The following OPCML variants were observed in gnomAD, a reference collection of about 807,000 sequenced individuals.
The protein encoded by OPCML is opioid binding protein/cell adhesion molecule like, also known as opioid-binding protein/cell adhesion molecule.
OPCML carries 13 observed loss-of-function variants against 37.8 expected under a neutral mutation model. That is an observed-to-expected ratio of 0.34 (90% CI 0.22 to 0.55). The LOEUF (loss-of-function observed/expected upper bound fraction) is 0.55, where lower values mean the gene tolerates loss of function less well. Ranked by LOEUF, OPCML falls within the 20% of genes least tolerant of loss-of-function variation. OPCML has a pLI of 0.91. For synonymous variants in OPCML, 176 were observed against 168.8 expected, an observed-to-expected ratio of 1.04 and a Z score of -0.33; for missense variants, 341 against 435.6, an observed-to-expected ratio of 0.78 and a Z score of 1.93.
chr11:133,388,765 A>T (rs879482071), intron 1 of OPCML, among the ~76,000 whole-genome samples: 4 of 152,188 alleles, frequency 2.6e-5, no homozygotes, highest in Non-Finnish European at 5.9e-5. Flanking sequence ...TTGAGTTATC[A>T]TATAAGGATA....
At chr11:132,447,185 G>T (rs1014176483) in intron 4 of OPCML, among the ~76,000 whole-genome samples, 4 of 152,190 alleles carry the variant, frequency 2.6e-5, no homozygotes, top group Admixed American at 1.3e-4. Flanking sequence ...TTTCCCTGAG[G>T]ATTAATTTAT....
chr11:133,419,483 C>T (rs763184997), intron 1 of OPCML: 4 of 246,866 alleles, frequency 1.6e-5, no homozygotes, highest in Non-Finnish European at 2.6e-5. Context: ...TAAGTTATAG[C>T]TTAAAAGGCA....
At chr11:133,279,471 A>G (rs1362130242) in intron 1 of OPCML, among the ~76,000 whole-genome samples, 5 of 152,134 alleles carry the variant, frequency 3.3e-5, no homozygotes, top group African/African-American at 1.2e-4. Flanking sequence ...CACTCCTGAT[A>G]AGCAGCCGTC....
chr11:133,248,194 TTGTAAAGA>T (rs1204905511), intron 1 of OPCML, among the ~76,000 whole-genome samples: 1 of 152,174 alleles, frequency 6.6e-6, no homozygotes, highest in African/African-American at 2.4e-5. Context: ...TGTGAAATTA[TTGTAAAGA>T]TGTAAAGATT....
intron 1 of OPCML, among the ~76,000 whole-genome samples, chr11:133,521,910 G>A (rs1193620103): frequency 6.6e-6 from 1 of 152,216 alleles, no homozygotes; most frequent in Non-Finnish European, 1.5e-5. Context: ...CCTCCCCACT[G>A]TCCTGTTTCG....
intron 2 of OPCML, among the ~76,000 whole-genome samples, chr11:132,916,045 G>A (rs1228391031): frequency 6.6e-6 from 1 of 151,986 alleles, no homozygotes; most frequent in Admixed American, 6.6e-5. Context: ...AAGTGTGCAT[G>A]TATGGGTAAA....
chr11:132,542,550 TTTGCTCCATA>T, intron 3 of OPCML, among the ~76,000 whole-genome samples: 1 of 152,208 alleles, frequency 6.6e-6, no homozygotes, highest in African/African-American at 2.4e-5. Flanking sequence ...GCCTCCTTGG[TTTGCTCCATA>T]TTGCAACCTG....
chr11:132,983,295 T>C (rs1042483477), intron 1 of OPCML, among the ~76,000 whole-genome samples: 1 of 152,250 alleles, frequency 6.6e-6, no homozygotes, highest in Non-Finnish European at 1.5e-5. Context: ...CCAAGTGCAA[T>C]GCTGGGTAAA....
At chr11:132,449,249 T>G (rs762471335) in intron 4 of OPCML, among the ~76,000 whole-genome samples, 1 of 152,214 alleles carries the variant, frequency 6.6e-6, no homozygotes, top group Non-Finnish European at 1.5e-5. Context: ...GGACTATGTG[T>G]GTCTGAACGT....
intron 1 of OPCML, among the ~76,000 whole-genome samples, chr11:133,407,621 C>T (rs1053969294): frequency 3.3e-5 from 5 of 152,130 alleles, no homozygotes; most frequent in African/African-American, 7.2e-5. Context: ...CAAACCCACA[C>T]GTGGGTGGCA....
At chr11:133,157,782 C>G (rs1483493319) in intron 1 of OPCML, among the ~76,000 whole-genome samples, 1 of 152,202 alleles carries the variant, frequency 6.6e-6, no homozygotes. Context: ...TTTGGTGTGT[C>G]CACCTAGCCT....
rs1053675036 is a variant in OPCML, at chr11:132,643,811, C to T, written c.379+13276G>A. Among the ~76,000 whole-genome samples the T allele has an allele frequency of 8.5e-5, 13 of 152,138 alleles. 1 individual carries two copies. Among genetic ancestry groups the T allele is most frequent in the South Asian group, 6.2e-4 (3 of 4,832 alleles). ...CATTCAACAAGCTCAGTTTGGTCTGCGTTAGAGAGCCATGTGCCTAGAAGT... is the reference window on the plus strand; with the variant it reads ...CATTCAACAAGCTCAGTTTGGTCTGTGTTAGAGAGCCATGTGCCTAGAAGT... On this transcript the variant is annotated intron_variant, in intron 3 of 7. Coordinates refer to ENST00000524381, the MANE Select transcript of OPCML (RefSeq NM_001012393.5).
intron 1 of OPCML, among the ~76,000 whole-genome samples, chr11:133,121,896 C>T (rs753782080): frequency 1.3e-4 from 20 of 152,178 alleles, no homozygotes; most frequent in Admixed American, 3.3e-4. Flanking sequence ...CTAATGTTAA[C>T]ATTTCTGTCC....
chr11:132,579,186 G>A (rs1393352638), intron 3 of OPCML, among the ~76,000 whole-genome samples: 2 of 152,094 alleles, frequency 1.3e-5, no homozygotes, highest in African/African-American at 4.8e-5. Flanking sequence ...AAAGTCTCCA[G>A]GTTGTCTATC....
intron 1 of OPCML, among the ~76,000 whole-genome samples, chr11:133,113,355 C>G (rs4376912): frequency 0.53 from 80,591 of 151,992 alleles, 21,417 homozygotes; most frequent in East Asian, 0.63. Context: ...ACTCAGTCTT[C>G]TATTTACCTA....
At chr11:133,106,615 A>G (rs1017444590) in intron 1 of OPCML, among the ~76,000 whole-genome samples, 4 of 152,244 alleles carry the variant, frequency 2.6e-5, no homozygotes, top group African/African-American at 7.2e-5. Context: ...TGGTAAAGCC[A>G]GGATGAGGAA....
intron 1 of OPCML, among the ~76,000 whole-genome samples, chr11:133,074,658 A>G (rs1338683482): frequency 6.6e-6 from 1 of 152,132 alleles, no homozygotes; most frequent in Non-Finnish European, 1.5e-5. Context: ...ATCCTATGTG[A>G]AGCTTTGGTT....
At chr11:132,660,101 A>G (rs1215254987) in intron 2 of OPCML, among the ~76,000 whole-genome samples, 1 of 152,196 alleles carries the variant, frequency 6.6e-6, no homozygotes, top group Non-Finnish European at 1.5e-5. Flanking sequence ...TAAACATGAA[A>G]AAGCAAACTT....
At chr11:133,047,612 C>T (rs556082900) in intron 1 of OPCML, among the ~76,000 whole-genome samples, 18 of 152,180 alleles carry the variant, frequency 1.2e-4, no homozygotes, top group African/African-American at 3.6e-4. Flanking sequence ...GACAGCCTGG[C>T]GACTGCTGGC....
Sources: gnomAD v4.1 joint callset for allele counts (sites outside exome capture counted in the v4.1 genomes callset) on GRCh38, gnomAD v4.1.1 for gene constraint, MANE v1.5 for transcripts, NCBI Gene and HGNC (gene_info 2026-07-23, HGNC 2026-07-21) for gene names.